The following VPS13B variants were observed in gnomAD, a reference collection of about 807,000 sequenced individuals.
The protein encoded by VPS13B is vacuolar protein sorting 13 homolog B.
Under a neutral mutation model 426.4 loss-of-function variants are expected in VPS13B, and 285 were observed. The observed-to-expected ratio is 0.67, with a 90% confidence interval of 0.61 to 0.74. The LOEUF is 0.74. VPS13B is among the 30% of genes least tolerant of loss of function. The pLI, the probability that VPS13B is intolerant of heterozygous loss-of-function variation, is 0.00. For missense variants in VPS13B, 4,537 were observed against 4,782.6 expected, an observed-to-expected ratio of 0.95 and a Z score of 1.51; for synonymous variants, 1,676 against 1,676.4, an observed-to-expected ratio of 1.00 and a Z score of 0.01.
chr8:99,506,121 A>G (rs535209193), intron 27 of VPS13B, among the ~76,000 whole-genome samples: 1 of 152,170 alleles, frequency 6.6e-6, no homozygotes, highest in Non-Finnish European at 1.5e-5. Flanking sequence ...CAATATAATC[A>G]TTGGTATAGA....
chr8:99,411,084 T>G (rs567431937), intron 21 of VPS13B, among the ~76,000 whole-genome samples: 6 of 152,218 alleles, frequency 3.9e-5, no homozygotes, highest in Non-Finnish European at 8.8e-5. Flanking sequence ...TACCTGGTAG[T>G]GGGATTGCTG....
At chr8:99,726,300 T>C (rs1444454884) in intron 39 of VPS13B, among the ~76,000 whole-genome samples, 1 of 152,216 alleles carries the variant, frequency 6.6e-6, no homozygotes, top group African/African-American at 2.4e-5. Context: ...CTCAATAAAA[T>C]TAGCATCTGT....
rs142309901 is a variant in VPS13B, at chr8:99,560,247, A to G, written c.4949+3594A>G. ...GAATAGGAATGCTTGTGATTTTTACACATTGATTTTGTATCCTGAGATTTT... is the reference window on the plus strand; with the variant it reads ...GAATAGGAATGCTTGTGATTTTTACGCATTGATTTTGTATCCTGAGATTTT... On this transcript the variant is annotated intron_variant, in intron 31 of 61. Transcript: ENST00000357162. Among the ~76,000 whole-genome samples the G allele has an allele frequency of 4.7e-3, 722 of 152,220 alleles. 4 individuals are homozygous for G. The highest frequency in any genetic ancestry group is 0.014 in the African/African-American group (594 of 41,542).
chr8:99,037,431 T>A (rs542166292), intron 2 of VPS13B, among the ~76,000 whole-genome samples: 16 of 152,232 alleles, frequency 1.1e-4, no homozygotes, highest in Admixed American at 2.6e-4. Context: ...ATACAAATTT[T>A]ACAGATAATG....
chr8:99,236,244 A>C (rs1468423524), intron 17 of VPS13B, among the ~76,000 whole-genome samples: 1 of 151,400 alleles, frequency 6.6e-6, no homozygotes, highest in Non-Finnish European at 1.5e-5. Flanking sequence ...TCATTTGTTG[A>C]TGTCAATTTT....
chr8:99,610,681 AC>A (rs1237244473), intron 33 of VPS13B, among the ~76,000 whole-genome samples: 1 of 152,154 alleles, frequency 6.6e-6, no homozygotes, highest in Non-Finnish European at 1.5e-5. Context: ...TCACATGTAT[AC>A]CTATATAACA....
intron 19 of VPS13B, among the ~76,000 whole-genome samples, chr8:99,323,383 T>A (rs75003969): frequency 6.6e-6 from 1 of 152,310 alleles, no homozygotes; most frequent in East Asian, 1.9e-4. Flanking sequence ...TATTTCCAGA[T>A]ACTATGGTTG....
chr8:99,102,429 A>C (rs1330399849), intron 4 of VPS13B, among the ~76,000 whole-genome samples: 2 of 152,106 alleles, frequency 1.3e-5, no homozygotes, highest in Non-Finnish European at 1.5e-5. Context: ...AGTTGAATCC[A>C]TTATGATGGT....
At chr8:99,783,166 A>G (rs1812099275) in intron 42 of VPS13B, among the ~76,000 whole-genome samples, 1 of 152,284 alleles carries the variant, frequency 6.6e-6, no homozygotes, top group East Asian at 1.9e-4. Context: ...AAGTACATTC[A>G]TCTGTAGTCT....
At chr8:99,749,302 A>G (rs989776696) in intron 39 of VPS13B, among the ~76,000 whole-genome samples, 8 of 151,842 alleles carry the variant, frequency 5.3e-5, no homozygotes, top group South Asian at 2.1e-4. Flanking sequence ...CACTGTAGTC[A>G]CCCTGTTGTT....
rs1262759627 is a variant in VPS13B, at chr8:99,391,616, G to T, written c.2994G>T (p.Val998=). The part of the protein sequence containing the change: ...MPVCRRKEDE[V]SIGSAPLAKQ... ...TTTGTAGAAGGAAAGAGGATGAGGT[G>T]TCTATTGGAAGTGCCCCCTTGGCAA... The change falls in exon 21 of 62, where the codon GTG becomes GTT. Residue 998 remains valine (V), a synonymous_variant. Transcript: ENST00000357162. 6.2e-7 allele frequency: 1 copy of T among 1,614,152 alleles called. No homozygotes were observed. Among genetic ancestry groups the T allele is most frequent in the Admixed American group, 1.7e-5 (1 of 60,018 alleles).
chr8:99,822,272 T>G (rs1253766924), intron 50 of VPS13B, among the ~76,000 whole-genome samples: 1 of 152,208 alleles, frequency 6.6e-6, no homozygotes, highest in Non-Finnish European at 1.5e-5. Flanking sequence ...TTTTGACAAG[T>G]GTCTTTGAAA....
Position 99,766,910 on chromosome 8 carries a change from T to C in VPS13B, c.7187T>C (p.Val2396Ala). 6.2e-7 allele frequency: 1 copy of C among 1,614,072 alleles called. No individual in the cohort carries two copies. Among genetic ancestry groups the C allele is most frequent in the Non-Finnish European group, 8.5e-7 (1 of 1,179,976 alleles). ...CTCGTGAATGACCAGAAGAAATTAG[T>C]ATCTTCAGATCTTTGGAGAATTGTC... ...INLVNDQKKL[V>A]SSDLWRIVLN... The change falls in exon 40 of 62, where the codon GTA (valine) becomes GCA (alanine). Residue 2396 changes from valine (V) to alanine (A), a missense_variant. Transcript: ENST00000357162.
intron 30 of VPS13B, among the ~76,000 whole-genome samples, chr8:99,526,942 G>T (rs1402792441): frequency 1.3e-5 from 2 of 152,136 alleles, no homozygotes. Context: ...TACTGTTACT[G>T]TGTTATACTG....
At chr8:99,325,695 C>T (rs1036426037) in intron 19 of VPS13B, among the ~76,000 whole-genome samples, 1 of 152,054 alleles carries the variant, frequency 6.6e-6, no homozygotes, top group Non-Finnish European at 1.5e-5. Flanking sequence ...TGGCAAGGAC[C>T]TAGTCAAGAT....
intron 19 of VPS13B, among the ~76,000 whole-genome samples, chr8:99,294,587 G>A (rs1210099062): frequency 6.6e-6 from 1 of 151,864 alleles, no homozygotes; most frequent in South Asian, 2.1e-4. Flanking sequence ...AAATAGCATG[G>A]AGTGATATGG....
At chr8:99,374,763 A>G (rs1813392287) in intron 19 of VPS13B, among the ~76,000 whole-genome samples, 1 of 152,174 alleles carries the variant, frequency 6.6e-6, no homozygotes. Context: ...AATTTATATT[A>G]AGTTCACTAC....
chr8:99,523,093 G>A (rs913750004), intron 30 of VPS13B, among the ~76,000 whole-genome samples: 48 of 152,202 alleles, frequency 3.2e-4, no homozygotes, highest in Admixed American at 2.8e-3. Context: ...CAAACTCAGA[G>A]AGACAGAAAG....
chr8:99,758,242 A>C (rs1810742485), intron 39 of VPS13B, among the ~76,000 whole-genome samples: 2 of 152,226 alleles, frequency 1.3e-5, no homozygotes, highest in Admixed American at 1.3e-4. Context: ...CAATAAGACC[A>C]CATTAGGTTT....
Sources: allele counts gnomAD v4.1 joint callset (sites outside exome capture counted in the v4.1 genomes callset), GRCh38; gene constraint gnomAD v4.1.1; transcripts MANE v1.5; gene names NCBI Gene and HGNC (gene_info 2026-07-23, HGNC 2026-07-21).